Variants in SFXN5 observed in about 807,000 individuals in gnomAD.
SFXN5 encodes sideroflexin-5.
In SFXN5, 43 loss-of-function variants were observed where a neutral mutation model predicts 50.2. The observed-to-expected ratio is 0.86, with a 90% confidence interval of 0.67 to 1.11. The LOEUF (loss-of-function observed/expected upper bound fraction) is 1.11, where lower values mean the gene tolerates loss of function less well. Among genes scored for constraint, SFXN5 ranks in the 50% least tolerant of loss-of-function variants. SFXN5 has a pLI of 0.00. For missense variants in SFXN5, 463 were observed against 454.1 expected (o/e 1.02, Z -0.18); for synonymous variants, 203 against 185.8 (o/e 1.09, Z -0.75).
chr2:72,986,796 TG>T (rs1213684473), intron 10 of SFXN5, among the ~76,000 whole-genome samples: 5 of 152,198 alleles, frequency 3.3e-5, no homozygotes, highest in Non-Finnish European at 7.3e-5. Flanking sequence ...GGGGCATCTA[TG>T]GTGAGCTCAT....
At chr2:72,987,841 G>GT (rs1672099922) in intron 10 of SFXN5, among the ~76,000 whole-genome samples, 1 of 152,244 alleles carries the variant, frequency 6.6e-6, no homozygotes, top group South Asian at 2.1e-4. Flanking sequence ...TGTAACAACT[G>GT]TAATGTGCCA....
chr2:73,005,540 C>T (rs1306826873), intron 6 of SFXN5, among the ~76,000 whole-genome samples: 2 of 152,210 alleles, frequency 1.3e-5, no homozygotes, highest in East Asian at 1.9e-4. Context: ...GGAGGAAATT[C>T]GCCTCAGCAT....
At chr2:72,975,687 T>C (rs904909128) in intron 10 of SFXN5, among the ~76,000 whole-genome samples, 3 of 152,260 alleles carry the variant, frequency 2.0e-5, no homozygotes, top group Non-Finnish European at 4.4e-5. Flanking sequence ...TTCATTCAAG[T>C]GTCACCTCAG....
At chr2:72,986,035 C>T (rs1671880232) in intron 10 of SFXN5, among the ~76,000 whole-genome samples, 1 of 152,196 alleles carries the variant, frequency 6.6e-6, no homozygotes, top group Non-Finnish European at 1.5e-5. Context: ...AGAGCGCTGC[C>T]CCTTCTCAGG....
chr2:73,019,926 C>T (rs1423297769), intron 6 of SFXN5: 3 of 271,622 alleles, frequency 1.1e-5, no homozygotes, highest in African/African-American at 6.7e-5. Flanking sequence ...TCCTACTTCC[C>T]AAGTTCTTTG....
chr2:73,045,768 CCTTTCT>C (rs1231935583), intron 2 of SFXN5, among the ~76,000 whole-genome samples: 1 of 152,090 alleles, frequency 6.6e-6, no homozygotes, highest in Non-Finnish European at 1.5e-5. Context: ...AAGTCCCAAG[CCTTTCT>C]CTTGTCTTCC....
intron 7 of SFXN5, among the ~76,000 whole-genome samples, chr2:73,000,895 C>G (rs997012809): frequency 3.9e-4 from 59 of 152,216 alleles, no homozygotes; most frequent in South Asian, 2.1e-4. Flanking sequence ...TCAAAAATCT[C>G]CCAGTCCAGT....
At chr2:73,035,858 C>G (rs1348016866) in intron 3 of SFXN5, among the ~76,000 whole-genome samples, 1 of 152,200 alleles carries the variant, frequency 6.6e-6, no homozygotes, top group Non-Finnish European at 1.5e-5. Flanking sequence ...CCACCCACAA[C>G]AGAAGACCAA....
chr2:72,989,880 G>A (rs745907370), intron 9 of SFXN5, among the ~76,000 whole-genome samples: 3 of 152,174 alleles, frequency 2.0e-5, no homozygotes, highest in Non-Finnish European at 4.4e-5. Context: ...GGGAGGAGCC[G>A]TGGCAGGACT....
intron 2 of SFXN5, among the ~76,000 whole-genome samples, chr2:73,042,818 C>T (rs1679826672): frequency 1.3e-5 from 2 of 151,642 alleles, no homozygotes; most frequent in South Asian, 4.2e-4. Context: ...GGTGCAGTGG[C>T]CCACACCTGT....
chr2:72,968,818 T>A (rs1674801928), intron 11 of SFXN5, among the ~76,000 whole-genome samples: 1 of 151,966 alleles, frequency 6.6e-6, no homozygotes, highest in Admixed American at 6.6e-5. Context: ...CTTTCTTTTT[T>A]TTGAGACAGA....
intron 2 of SFXN5, among the ~76,000 whole-genome samples, chr2:73,054,396 G>A (rs1452116317): frequency 3.3e-5 from 5 of 152,106 alleles, no homozygotes; most frequent in Admixed American, 3.3e-4. Flanking sequence ...ATGAAATTTA[G>A]ACAATTTACT....
rs1050098039 is a variant in SFXN5, at chr2:72,961,607, C to T, written c.828-359G>A. On this transcript the variant is annotated intron_variant, in intron 12 of 13. Transcript: ENST00000272433. This position sits in a 1 kb window ranked among gnomAD's most constrained non-coding sequence, Gnocchi z 4.4. ...CTCAAAGAGGCTGTCGGCCCCTGTT[C>T]CTGGGGAGACACATAGGGACGTAAG... Among the ~76,000 whole-genome samples the T allele has an allele frequency of 3.3e-5, 5 of 152,188 alleles. No individual in the cohort carries two copies. Among genetic ancestry groups the T allele is most frequent in the African/African-American group, 1.2e-4 (5 of 41,450 alleles).
At chr2:72,977,937 C>T (rs11899633) in intron 10 of SFXN5, among the ~76,000 whole-genome samples, 3,438 of 143,482 alleles carry the variant, frequency 0.024, 147 homozygotes, top group African/African-American at 0.083. Context: ...TGCACCACTG[C>T]ACTCCAGCCT....
intron 9 of SFXN5, chr2:72,996,382 C>T (rs1673235454): frequency 6.6e-6 from 1 of 152,334 alleles, no homozygotes; most frequent in Non-Finnish European, 1.5e-5. Flanking sequence ...GAACCCATAC[C>T]CCACAAATCT....
chr2:73,038,282 G>T (rs900516536), intron 3 of SFXN5, among the ~76,000 whole-genome samples: 1 of 152,214 alleles, frequency 6.6e-6, no homozygotes. Flanking sequence ...TTTGTGCACA[G>T]AAACAGTTCA....
chr2:72,948,830 A>G (rs891126828), intron 13 of SFXN5, among the ~76,000 whole-genome samples: 1 of 152,158 alleles, frequency 6.6e-6, no homozygotes, highest in Non-Finnish European at 1.5e-5. Context: ...TCTCAAGTCA[A>G]TCCACCCTCC....
chr2:73,000,509 A>T (rs1291031784), intron 7 of SFXN5, 22 bp from the exon 8 acceptor site: 1 of 1,554,418 alleles, frequency 6.4e-7, no homozygotes, highest in Admixed American at 2.0e-5. Context: ...TGATGAGAGA[A>T]GTCAGGGAAG....
chr2:72,989,159 G>A (rs1053590619), intron 9 of SFXN5, among the ~76,000 whole-genome samples: 1 of 152,130 alleles, frequency 6.6e-6, no homozygotes, highest in African/African-American at 2.4e-5. Context: ...AAAAACCCAA[G>A]TTCAACCCCG....
Sources: gnomAD v4.1 joint callset for allele counts (sites outside exome capture counted in the v4.1 genomes callset) on GRCh38, gnomAD v4.1.1 for gene constraint, Gnocchi (gnomAD v3.1) non-coding constraint, MANE v1.5 for transcripts, NCBI Gene and HGNC (gene_info 2026-07-23, HGNC 2026-07-21) for gene names.